Variants in LHFPL3 observed in about 807,000 individuals in gnomAD.
LHFPL3 encodes LHFPL tetraspan subfamily member 3, also known as LHFPL tetraspan subfamily member 3 protein.
A neutral mutation model predicts 19.3 loss-of-function variants in LHFPL3; 5 were observed. The ratio of observed to expected loss-of-function variants is 0.26; its 90% CI spans 0.14 to 0.54. The LOEUF is 0.54. Ranked by LOEUF, LHFPL3 falls within the 20% of genes least tolerant of loss-of-function variation. The pLI is 0.94. For missense variants in LHFPL3, 249 were observed against 307.4 expected, an observed-to-expected ratio of 0.81 and a Z score of 1.42; for synonymous variants, 133 against 126.2, an observed-to-expected ratio of 1.05 and a Z score of -0.36.
At chr7:104,614,560 A>G (rs769555507) in intron 1 of LHFPL3, among the ~76,000 whole-genome samples, 21 of 145,936 alleles carry the variant, frequency 1.4e-4, no homozygotes, top group Non-Finnish European at 2.3e-4. Context: ...ACAGTACGGT[A>G]CTGTCCAAAG....
chr7:104,518,077 G>T (rs1793957186), intron 1 of LHFPL3, among the ~76,000 whole-genome samples: 1 of 152,102 alleles, frequency 6.6e-6, no homozygotes, highest in Non-Finnish European at 1.5e-5. Context: ...GGAATAAGTA[G>T]TATTAGTCTA....
chr7:104,586,107 C>T (rs2115596712), intron 1 of LHFPL3, among the ~76,000 whole-genome samples: 1 of 152,040 alleles, frequency 6.6e-6, no homozygotes, highest in East Asian at 1.9e-4. Flanking sequence ...TCAGAACGTC[C>T]ATAAATTGTG....
chr7:104,714,596 C>T (rs1793354186), intron 1 of LHFPL3, among the ~76,000 whole-genome samples: 1 of 151,320 alleles, frequency 6.6e-6, no homozygotes, highest in South Asian at 2.1e-4. Context: ...TCTTAAACAT[C>T]CGAAGGGTGA....
chr7:104,906,155 C>A (rs973191540), intron 2 of LHFPL3, 32 bp from the exon 3 acceptor site: 1 of 1,604,440 alleles, frequency 6.2e-7, no homozygotes. Context: ...TCCCCCCACC[C>A]TTTTTCTCTC....
chr7:104,600,568 A>G (rs958262051), intron 1 of LHFPL3, among the ~76,000 whole-genome samples: 6 of 152,238 alleles, frequency 3.9e-5, no homozygotes, highest in African/African-American at 1.4e-4. Flanking sequence ...ATGTTTTTCC[A>G]AACTATTATC....
At chr7:104,504,800 ATC>A (rs1241882215) in intron 1 of LHFPL3, among the ~76,000 whole-genome samples, 1 of 152,194 alleles carries the variant, frequency 6.6e-6, no homozygotes, top group East Asian at 1.9e-4. Context: ...TCAGGTTACT[ATC>A]TCTTTGTTTT....
At chr7:104,631,480 G>A (rs538107695) in intron 1 of LHFPL3, among the ~76,000 whole-genome samples, 1 of 152,240 alleles carries the variant, frequency 6.6e-6, no homozygotes, top group African/African-American at 2.4e-5. Flanking sequence ...TACAAGTAAA[G>A]GATAGAGGAA....
chr7:104,780,903 T>G (rs1446758145), intron 2 of LHFPL3, among the ~76,000 whole-genome samples: 1 of 152,202 alleles, frequency 6.6e-6, no homozygotes, highest in African/African-American at 2.4e-5. Flanking sequence ...ATCAAGACCT[T>G]GATCCCTCAG....
intron 1 of LHFPL3, among the ~76,000 whole-genome samples, chr7:104,369,523 G>C (rs1790570289): frequency 6.6e-6 from 1 of 152,028 alleles, no homozygotes; most frequent in Non-Finnish European, 1.5e-5. Context: ...AATAATGTTT[G>C]TATTTCTTTT....
intron 2 of LHFPL3, among the ~76,000 whole-genome samples, chr7:104,835,202 T>C (rs1791067466): frequency 6.6e-6 from 1 of 151,972 alleles, no homozygotes; most frequent in Non-Finnish European, 1.5e-5. Context: ...GACTACCTGA[T>C]TGGTTTGCTG....
At chr7:104,607,778 A>G (rs1055618051) in intron 1 of LHFPL3, among the ~76,000 whole-genome samples, 1 of 152,198 alleles carries the variant, frequency 6.6e-6, no homozygotes. Flanking sequence ...CAGAATCTAC[A>G]ATGAACTCAA....
chr7:104,653,266 G>A (rs1584462382), intron 1 of LHFPL3, among the ~76,000 whole-genome samples: 1 of 152,288 alleles, frequency 6.6e-6, no homozygotes, highest in East Asian at 1.9e-4. Flanking sequence ...GTCAAAGAGA[G>A]AATCTTTATC....
At chr7:104,686,453 G>C (rs1415375380) in intron 1 of LHFPL3, among the ~76,000 whole-genome samples, 1 of 152,156 alleles carries the variant, frequency 6.6e-6, no homozygotes, top group Non-Finnish European at 1.5e-5. Flanking sequence ...CTGATATATA[G>C]GACAAAACCA....
rs1457442187 is a variant in LHFPL3, at chr7:104,430,419, CATATATATAT to C, written c.445+101222_445+101231del. Reference sequence around the variant, plus strand: ...ATATATATATACATATATATATATACATATATATATATATATATATATATATATATATATA... The same window carrying C: ...ATATATATATACATATATATATATACATATATATATATATATATATATATA... On this transcript the variant is annotated intron_variant, in intron 1 of 2. Transcript: ENST00000424859. Among the ~76,000 whole-genome samples the C allele has an allele frequency of 2.4e-3, 35 of 14,608 alleles. 3 individuals are homozygous for C. Among genetic ancestry groups the C allele is most frequent in the East Asian group, 4.6e-3 (2 of 432 alleles). 9.6% of individuals were successfully genotyped at this position (14,608 alleles called of 152,430 possible).
intron 1 of LHFPL3, among the ~76,000 whole-genome samples, chr7:104,557,660 T>C (rs149736355): frequency 0.068 from 10,348 of 152,138 alleles, 558 homozygotes; most frequent in African/African-American, 0.15. Context: ...GTTTTTTATT[T>C]TTTATTTTTA....
At chr7:104,480,291 A>G (rs938423120) in intron 1 of LHFPL3, among the ~76,000 whole-genome samples, 2 of 152,194 alleles carry the variant, frequency 1.3e-5, no homozygotes, top group Non-Finnish European at 2.9e-5. Flanking sequence ...CATCTAGCTC[A>G]GTACCTGATG....
rs200384525 is a variant in LHFPL3, at chr7:104,667,772, GAAT to G, written c.446-68900_446-68898del. Reference sequence around the variant, plus strand: ...ACATGGCGGCCTCAGCAAAAAAGAAGAATAAGAAGGGGAAGACTATCTCCCTAA... The same window carrying G: ...ACATGGCGGCCTCAGCAAAAAAGAAGAAGAAGGGGAAGACTATCTCCCTAA... On this transcript the variant is annotated intron_variant, in intron 1 of 2. Transcript: ENST00000424859. The G allele has an allele frequency of 1.4e-3, 2,212 of 1,597,210 alleles. 23 individuals carry two copies. The African/African-American group carries it at 0.022, about 16-fold the overall frequency.
chr7:104,862,877 G>C (rs1791642946), intron 2 of LHFPL3, among the ~76,000 whole-genome samples: 1 of 152,212 alleles, frequency 6.6e-6, no homozygotes, highest in Non-Finnish European at 1.5e-5. Flanking sequence ...GTCGGAGCTG[G>C]AAGAAGAGCT....
chr7:104,371,565 T>A (rs1790616270), intron 1 of LHFPL3, among the ~76,000 whole-genome samples: 1 of 152,240 alleles, frequency 6.6e-6, no homozygotes. Flanking sequence ...ACTGAAACTT[T>A]ATGCTTTCAT....
Sources: gnomAD v4.1 joint callset for allele counts (sites outside exome capture counted in the v4.1 genomes callset) on GRCh38, gnomAD v4.1.1 for gene constraint, MANE v1.5 for transcripts, NCBI Gene and HGNC (gene_info 2026-07-23, HGNC 2026-07-21) for gene names.